IL1RAPL2: variants seen among roughly 807,000 people sequenced by gnomAD.
IL1RAPL2 encodes the protein interleukin 1 receptor accessory protein like 2.
IL1RAPL2 carries 3 observed loss-of-function variants against 44.1 expected under a neutral mutation model. That is an observed-to-expected ratio of 0.07 (90% CI 0.03 to 0.18). IL1RAPL2 has a LOEUF of 0.18. Among genes scored for constraint, IL1RAPL2 ranks in the 10% least tolerant of loss-of-function variants. The pLI is 1.00. For synonymous variants in IL1RAPL2, 181 were observed against 178.8 expected (o/e 1.01, Z -0.10); for missense variants, 391 against 496.4 (o/e 0.79, Z 2.02).
intron 2 of IL1RAPL2, among the ~76,000 whole-genome samples, chrX:104,665,894 C>G (rs897074032): frequency 2.1e-4 from 23 of 111,366 alleles, no homozygotes; most frequent in African/African-American, 7.5e-4. Flanking sequence ...GAAGAGTAAA[C>G]ATTTTTGTAG....
intron 6 of IL1RAPL2, among the ~76,000 whole-genome samples, chrX:105,544,460 T>C (rs1387962111): frequency 1.8e-5 from 2 of 110,739 alleles, no homozygotes; most frequent in African/African-American, 6.6e-5. Flanking sequence ...TAGGATCTCT[T>C]GTACAGTGTT....
intron 2 of IL1RAPL2, among the ~76,000 whole-genome samples, chrX:105,099,590 T>G (rs1024789735): frequency 9.6e-6 from 1 of 103,909 alleles, no homozygotes; most frequent in Non-Finnish European, 2.0e-5. Flanking sequence ...TCAGCCTCCT[T>G]AGTAGCTGGG....
chrX:105,130,139 A>G (rs1430963420), intron 2 of IL1RAPL2, among the ~76,000 whole-genome samples: 1 of 111,557 alleles, frequency 9.0e-6, no homozygotes, highest in African/African-American at 3.2e-5. Flanking sequence ...CAAGTTATGT[A>G]ACATGATGTC....
intron 2 of IL1RAPL2, among the ~76,000 whole-genome samples, chrX:105,018,524 G>T (rs2031226047): frequency 9.0e-6 from 1 of 110,872 alleles, no homozygotes; most frequent in Non-Finnish European, 1.9e-5. Flanking sequence ...TTCCTCTCTA[G>T]ACCACAGTTT....
rs1215646648 is a variant in IL1RAPL2 at position 105,307,900 on chromosome X, A to G, written c.697+40359A>G. Among the ~76,000 whole-genome samples, 4 of 106,821 alleles carry G rather than the reference A, an allele frequency of 3.7e-5. No homozygotes were observed. The Admixed American group carries it at 4.3e-4, about 11-fold the overall frequency. The allele number at this position is 106,821 out of a possible 115,157, so 92.8% of individuals were successfully genotyped here. A position where few individuals can be genotyped will look rare whatever the true frequency, so the allele number is the denominator to read the frequency against. ...CACTTCTTTACTTTATGATGCAACA[A>G]GCTGTTCAAAGCTCATTTTATGCTT... is the stretch of plus-strand genomic sequence containing the variant. On this transcript the variant is annotated intron_variant, in intron 5 of 10. Transcript: ENST00000372582.
At position 105,179,577 on chromosome X, in the gene IL1RAPL2, G is replaced by T. The variant is rs782123285; in HGVS notation, c.83-15898G>T. On this transcript the variant is annotated intron_variant, in intron 2 of 10. Transcript: ENST00000372582. ...TTATATTGAATCTGTAGATTGCTTT[G>T]GGCAATATGTTTATTTTAACGATAT... 4.5e-5 allele frequency among the ~76,000 whole-genome samples: 5 copies of T among 111,518 alleles called. No homozygotes were observed. In the South Asian group the frequency reaches 1.9e-3, roughly 42 times the overall value.
intron 6 of IL1RAPL2, among the ~76,000 whole-genome samples, chrX:105,712,717 C>T (rs1412626559): frequency 9.0e-6 from 1 of 111,600 alleles, no homozygotes; most frequent in Admixed American, 9.5e-5. Flanking sequence ...TGATGCCTTC[C>T]CAATAGTCCC....
intron 1 of IL1RAPL2, among the ~76,000 whole-genome samples, chrX:104,591,240 G>A (rs935135946): frequency 9.0e-6 from 1 of 110,879 alleles, no homozygotes; most frequent in African/African-American, 3.3e-5. Flanking sequence ...TACTAGTATT[G>A]GACTAGTAGG....
At chrX:105,181,423 G>A (rs953935241) in intron 2 of IL1RAPL2, among the ~76,000 whole-genome samples, 16 of 111,257 alleles carry the variant, frequency 1.4e-4, no homozygotes, top group Non-Finnish European at 2.8e-4. Context: ...TGTTCATTTG[G>A]CATCTTTCTA....
intron 5 of IL1RAPL2, among the ~76,000 whole-genome samples, chrX:105,470,813 G>T (rs748130377): frequency 9.0e-6 from 1 of 111,694 alleles, no homozygotes; most frequent in South Asian, 3.7e-4. Flanking sequence ...GTGATAGCAC[G>T]TGGTATTGCA....
At chrX:105,415,032 G>A (rs779377112) in intron 5 of IL1RAPL2, among the ~76,000 whole-genome samples, 1 of 112,209 alleles carries the variant, frequency 8.9e-6, no homozygotes, top group South Asian at 3.7e-4. Context: ...AAGAAGGTAA[G>A]AAATTAAAGT....
intron 2 of IL1RAPL2, among the ~76,000 whole-genome samples, chrX:104,716,433 T>A (rs1931568171): frequency 9.0e-6 from 1 of 111,129 alleles, no homozygotes; most frequent in Non-Finnish European, 1.9e-5. Flanking sequence ...ACAAATTGGA[T>A]CTAATTAAAC....
intron 2 of IL1RAPL2, among the ~76,000 whole-genome samples, chrX:104,880,722 A>G (rs1041872374): frequency 8.9e-6 from 1 of 112,371 alleles, no homozygotes. Context: ...GATTCTTATC[A>G]CGCAAACTGT....
chrX:105,032,812 T>C (rs939615002), intron 2 of IL1RAPL2, among the ~76,000 whole-genome samples: 16 of 111,427 alleles, frequency 1.4e-4, no homozygotes, highest in African/African-American at 4.9e-4. Flanking sequence ...ATCTGTCTAA[T>C]GTTGACAGTG....
At chrX:105,318,958 C>T (rs1307059557) in intron 5 of IL1RAPL2, among the ~76,000 whole-genome samples, 6 of 112,359 alleles carry the variant, frequency 5.3e-5, no homozygotes, top group Non-Finnish European at 1.1e-4. Flanking sequence ...TGCCCACTGG[C>T]AGCCCAGAGA....
At chrX:105,307,026 AAG>A (rs913210634) in intron 5 of IL1RAPL2, among the ~76,000 whole-genome samples, 3 of 110,696 alleles carry the variant, frequency 2.7e-5, no homozygotes, top group Admixed American at 9.8e-5. Flanking sequence ...GTGCACATGC[AAG>A]AGAGAGAGGG....
chrX:105,231,544 C>A (rs1556195725), intron 3 of IL1RAPL2, among the ~76,000 whole-genome samples: 3 of 112,270 alleles, frequency 2.7e-5, no homozygotes, highest in Non-Finnish European at 1.9e-5. Flanking sequence ...GATGCCCATT[C>A]ATTTAATCAA....
chrX:105,257,136 A>G (rs188197246), intron 4 of IL1RAPL2, among the ~76,000 whole-genome samples: 3 of 111,668 alleles, frequency 2.7e-5, no homozygotes, highest in African/African-American at 6.5e-5. Context: ...GGTATATTGT[A>G]TCTTTGTTCT....
At chrX:105,409,614 A>G (rs906822982) in intron 5 of IL1RAPL2, among the ~76,000 whole-genome samples, 2 of 111,465 alleles carry the variant, frequency 1.8e-5, no homozygotes, top group Non-Finnish European at 3.8e-5. Flanking sequence ...TCTGAATGCC[A>G]TGAAGGAGCC....
Sources: gnomAD v4.1 joint callset for allele counts (sites outside exome capture counted in the v4.1 genomes callset) on GRCh38, gnomAD v4.1.1 for gene constraint, MANE v1.5 for transcripts, NCBI Gene and HGNC (gene_info 2026-07-23, HGNC 2026-07-21) for gene names.